EXOC6: variants seen among roughly 807,000 people sequenced by gnomAD.
The protein encoded by EXOC6 is SEC15-like 1.
EXOC6 carries 60 observed loss-of-function variants against 112.5 expected under a neutral mutation model. That is an observed-to-expected ratio of 0.53 (90% confidence interval 0.43 to 0.66). EXOC6 has a LOEUF of 0.66. Among genes scored for constraint, EXOC6 ranks in the 30% least tolerant of loss-of-function variants. The probability of loss-of-function intolerance (pLI) is 0.00; values close to 1 mark genes in which losing one functional copy is unlikely to be tolerated. For synonymous variants in EXOC6, 295 were observed against 308.0 expected (o/e 0.96, Z 0.44); for missense variants, 855 against 957.1 (o/e 0.89, Z 1.41).
intron 15 of EXOC6, 106 bp from the exon 16 acceptor site, chr10:92,954,521 AAAT>A (rs1166465691): frequency 7.5e-6 from 4 of 530,882 alleles, no homozygotes; most frequent in Middle Eastern, 4.9e-4. Context: ...TAAAGATATA[AAAT>A]AATGATGGGG....
At chr10:92,870,930 G>T (rs138454781) in intron 1 of EXOC6, among the ~76,000 whole-genome samples, 2,173 of 152,176 alleles carry the variant, frequency 0.014, 53 homozygotes, top group African/African-American at 0.05. Flanking sequence ...GAATGGTCTC[G>T]ATCTGCTGAC....
intron 17 of EXOC6, among the ~76,000 whole-genome samples, chr10:92,962,451 T>C (rs933492268): frequency 6.6e-6 from 1 of 152,068 alleles, no homozygotes; most frequent in African/African-American, 2.4e-5. Context: ...GTGCAGTGAC[T>C]TGATCCTGGC....
chr10:92,911,097 T>C (rs1850733803), intron 6 of EXOC6, among the ~76,000 whole-genome samples: 1 of 152,250 alleles, frequency 6.6e-6, no homozygotes. Flanking sequence ...TTCTAAGAGC[T>C]GTTCTTGCAA....
intron 18 of EXOC6, among the ~76,000 whole-genome samples, chr10:92,983,167 GTCTATTTTATT>G (rs1443768395): frequency 2.0e-5 from 3 of 152,104 alleles, no homozygotes; most frequent in Non-Finnish European, 4.4e-5. Context: ...ATTTGCTAAT[GTCTATTTTATT>G]TCATAGAGCT....
At chr10:92,855,990 G>C (rs575638434) in intron 1 of EXOC6, among the ~76,000 whole-genome samples, 4 of 152,018 alleles carry the variant, frequency 2.6e-5, no homozygotes, top group African/African-American at 9.6e-5. Context: ...TCAGCCTCTC[G>C]ACTAGCTGGG....
intron 1 of EXOC6, among the ~76,000 whole-genome samples, chr10:92,839,331 G>A (rs1235637610): frequency 6.6e-6 from 1 of 152,130 alleles, no homozygotes; most frequent in East Asian, 1.9e-4. Flanking sequence ...CTGTCCCTGG[G>A]AGACTTAATG....
At chr10:93,032,409 G>A (rs1440222832) in intron 20 of EXOC6, among the ~76,000 whole-genome samples, 2 of 152,192 alleles carry the variant, frequency 1.3e-5, no homozygotes, top group Non-Finnish European at 2.9e-5. Flanking sequence ...GTTCCAACTT[G>A]AGAACCATGG....
intron 18 of EXOC6, among the ~76,000 whole-genome samples, chr10:92,976,008 C>T (rs1196438784): frequency 1.4e-5 from 2 of 143,588 alleles, no homozygotes; most frequent in South Asian, 2.2e-4. Flanking sequence ...AGTGAGGAGC[C>T]CCTCTGCCCG....
intron 5 of EXOC6, among the ~76,000 whole-genome samples, chr10:92,905,167 A>G (rs1042558969): frequency 6.6e-6 from 1 of 152,064 alleles, no homozygotes; most frequent in East Asian, 1.9e-4. Flanking sequence ...ACAGTCTTTA[A>G]TATTATAACT....
intron 4 of EXOC6, among the ~76,000 whole-genome samples, chr10:92,896,911 A>C (rs1849859961): frequency 1.3e-5 from 2 of 152,100 alleles, no homozygotes; most frequent in South Asian, 4.2e-4. Flanking sequence ...ATGAAATTCT[A>C]CTCAGCTTAA....
rs75510022 is a variant in EXOC6 at position 92,929,744 on chromosome 10, A to G, written c.972+1322A>G. On this transcript the variant is annotated intron_variant, in intron 9 of 21. Coordinates refer to ENST00000260762, the MANE Select transcript of EXOC6 (RefSeq NM_019053.6). ...ATATTATGAATAGGTTTAACAGTTG[A>G]TGAATTCTCTCTTAGTTAATCTGAA... Among the ~76,000 whole-genome samples the G allele has an allele frequency of 2.2e-3, 337 of 152,334 alleles. 1 individual carries two copies. Among genetic ancestry groups the G allele is most frequent in the African/African-American group, 7.5e-3 (310 of 41,588 alleles).
intron 17 of EXOC6, among the ~76,000 whole-genome samples, chr10:92,971,383 T>C (rs577302085): frequency 6.6e-6 from 1 of 150,586 alleles, no homozygotes; most frequent in African/African-American, 2.4e-5. Context: ...TACTTTTTTT[T>C]TTCTTTTTTT....
intron 7 of EXOC6, 24 bp downstream of exon 7, chr10:92,915,937 T>A: frequency 1.1e-5 from 16 of 1,470,666 alleles, no homozygotes; most frequent in Non-Finnish European, 1.4e-5. Flanking sequence ...TTCTTTCTTT[T>A]CTATTATTAG....
At chr10:93,045,022 G>A (rs531926151) in intron 20 of EXOC6, among the ~76,000 whole-genome samples, 14 of 128,110 alleles carry the variant, frequency 1.1e-4, no homozygotes, top group East Asian at 1.0e-3. Flanking sequence ...ACAGGTACCC[G>A]CCACCACGCC....
At chr10:92,878,476 C>T (rs147222927) in intron 1 of EXOC6, among the ~76,000 whole-genome samples, 1 of 152,228 alleles carries the variant, frequency 6.6e-6, no homozygotes, top group African/African-American at 2.4e-5. Flanking sequence ...GCCCAGTGCC[C>T]TCCTTACCCT....
chr10:92,997,408 G>C (rs1843542204), intron 18 of EXOC6, 66 bp from the exon 19 acceptor site: 2 of 1,439,486 alleles, frequency 1.4e-6, no homozygotes, highest in Admixed American at 4.5e-5. Context: ...TGATTTTTCT[G>C]ATTCTTTATG....
At chr10:92,887,301 T>C (rs929436518) in intron 1 of EXOC6, among the ~76,000 whole-genome samples, 4 of 152,168 alleles carry the variant, frequency 2.6e-5, no homozygotes, top group African/African-American at 9.7e-5. Flanking sequence ...ATTGGCCTTA[T>C]TAGCAAATTT....
chr10:92,970,482 C>T (rs949579848), intron 17 of EXOC6, among the ~76,000 whole-genome samples: 6 of 152,096 alleles, frequency 3.9e-5, no homozygotes, highest in African/African-American at 1.2e-4. Flanking sequence ...AGGGAGATCC[C>T]GGAACCAATC....
intron 20 of EXOC6, among the ~76,000 whole-genome samples, chr10:93,023,424 T>C (rs890613752): frequency 1.3e-5 from 2 of 152,216 alleles, no homozygotes; most frequent in Non-Finnish European, 2.9e-5. Context: ...GACTTTATCA[T>C]CCTGCCAATC....
Sources: gnomAD v4.1 joint callset for allele counts (sites outside exome capture counted in the v4.1 genomes callset) on GRCh38, gnomAD v4.1.1 for gene constraint, MANE v1.5 for transcripts, NCBI Gene and HGNC (gene_info 2026-07-23, HGNC 2026-07-21) for gene names.